The following RREB1 variants were observed in gnomAD, a reference collection of about 807,000 sequenced individuals.
The protein encoded by RREB1 is ras-responsive element-binding protein 1.
In RREB1, 27 loss-of-function variants were observed where a neutral mutation model predicts 117.8. That is an observed-to-expected ratio of 0.23 (90% CI 0.17 to 0.32). The LOEUF (loss-of-function observed/expected upper bound fraction) is 0.32. Ranked by LOEUF, RREB1 falls within the 10% of genes least tolerant of loss-of-function variation. The pLI, the probability that RREB1 is intolerant of heterozygous loss-of-function variation, is 1.00. For missense variants in RREB1, 2,577 were observed against 2,378.2 expected, an observed-to-expected ratio of 1.08 and a Z score of -1.74; for synonymous variants, 1,298 against 1,026.7, an observed-to-expected ratio of 1.26 and a Z score of -5.05.
chr6:7,163,315 C>G (rs145070889), intron 1 of RREB1, among the ~76,000 whole-genome samples: 1 of 152,146 alleles, frequency 6.6e-6, no homozygotes, highest in Non-Finnish European at 1.5e-5. Flanking sequence ...TGAAATACTT[C>G]GTGGAAATGT....
At chr6:7,144,037 G>C (rs1040794489) in intron 1 of RREB1, among the ~76,000 whole-genome samples, 1 of 151,318 alleles carries the variant, frequency 6.6e-6, no homozygotes, top group African/African-American at 2.4e-5. Context: ...TTTATTAAAG[G>C]GGGAATTGTT....
At chr6:7,120,012 G>C (rs1373067682) in intron 1 of RREB1, among the ~76,000 whole-genome samples, 1 of 152,090 alleles carries the variant, frequency 6.6e-6, no homozygotes, top group African/African-American at 2.4e-5. Flanking sequence ...TGATGCCTCT[G>C]ACAGTGAAAC....
rs541656866 is a variant in RREB1, at chr6:7,187,528, A to C, written c.261+5A>C. On this transcript the variant is annotated splice_donor_5th_base_variant and intron_variant, in intron 5 of 12. Coordinates refer to ENST00000379938, the MANE Select transcript of RREB1 (RefSeq NM_001003699.4). The stretch of plus-strand genomic sequence containing the variant: ...CTGACCATGCACATTCGCCAGGTAG[A>C]TTCCCACTGTTCTTTTATTTTATTT... The C allele has an allele frequency of 7.3e-7, 1 of 1,367,058 alleles. No homozygotes were observed. The highest frequency in any genetic ancestry group is 1.5e-5 in the African/African-American group (1 of 68,562). 84.7% of individuals were successfully genotyped at this position (1,367,058 alleles called of 1,614,324 possible). A position where few individuals can be genotyped will look rare whatever the true frequency, so the allele number is the denominator to read the frequency against.
At chr6:7,137,931 G>A (rs1355921478) in intron 1 of RREB1, among the ~76,000 whole-genome samples, 1 of 152,040 alleles carries the variant, frequency 6.6e-6, no homozygotes, top group Non-Finnish European at 1.5e-5. Flanking sequence ...TCTTTTTCAA[G>A]GGTACCCAGT....
intron 6 of RREB1, among the ~76,000 whole-genome samples, chr6:7,193,651 A>G (rs1338634617): frequency 6.6e-6 from 1 of 152,176 alleles, no homozygotes; most frequent in African/African-American, 2.4e-5. Context: ...ATAATGAGGT[A>G]TCTTGAGGAT....
intron 12 of RREB1, 76 bp downstream of exon 12, chr6:7,247,297 G>A: frequency 7.3e-7 from 1 of 1,377,216 alleles, no homozygotes; most frequent in Non-Finnish European, 9.8e-7. Context: ...CTCCCCTGAA[G>A]CGGCGCTGGA....
chr6:7,194,088 G>A (rs1765550318), intron 6 of RREB1, among the ~76,000 whole-genome samples: 1 of 152,168 alleles, frequency 6.6e-6, no homozygotes, highest in Admixed American at 6.5e-5. Context: ...GGATAGTTTT[G>A]GGGGCAGCCA....
intron 4 of RREB1, chr6:7,183,112 G>A (rs1183335388): frequency 1.3e-5 from 2 of 152,158 alleles, no homozygotes; most frequent in Non-Finnish European, 2.9e-5. Context: ...CCAGCAGTAT[G>A]GGGGAGGATG....
chr6:7,194,001 T>C (rs1765544181), intron 6 of RREB1, among the ~76,000 whole-genome samples: 1 of 152,248 alleles, frequency 6.6e-6, no homozygotes, highest in African/African-American at 2.4e-5. Context: ...CACAATTCTG[T>C]GCTGTTATAG....
At chr6:7,159,571 A>G (rs945697625) in intron 1 of RREB1, among the ~76,000 whole-genome samples, 2 of 152,224 alleles carry the variant, frequency 1.3e-5, no homozygotes, top group Non-Finnish European at 1.5e-5. Flanking sequence ...CCTTGTGTCA[A>G]TAATGTTTTG....
chr6:7,181,881 A>G lies in RREB1; in HGVS notation c.-31A>G, dbSNP rs1174177635. 4.3e-6 allele frequency: 7 copies of G among 1,613,340 alleles called. No individual in the cohort carries two copies. Among genetic ancestry groups the G allele is most frequent in the Non-Finnish European group, 5.9e-6 (7 of 1,179,348 alleles). On this transcript the variant is annotated 5_prime_UTR_variant, in exon 4 of 13. Transcript: ENST00000379938. Reference sequence around the variant, plus strand: ...TTTCCAATTTTCAGTTTTATAGCAGAGGCTTCTTAGAAGCTTAAACCCCTG... The same window carrying G: ...TTTCCAATTTTCAGTTTTATAGCAGGGGCTTCTTAGAAGCTTAAACCCCTG...
At chr6:7,211,508 C>T (rs1581543933) in intron 7 of RREB1, 65 bp from the exon 8 acceptor site, 3 of 1,441,438 alleles carry the variant, frequency 2.1e-6, no homozygotes, top group East Asian at 2.3e-5. Context: ...TTAGCATTGG[C>T]CTCTCTTCCG....
intron 1 of RREB1, among the ~76,000 whole-genome samples, chr6:7,118,243 C>T (rs1206625165): frequency 1.3e-5 from 2 of 152,190 alleles, no homozygotes; most frequent in Non-Finnish European, 2.9e-5. Flanking sequence ...ACCTCAGCCT[C>T]CTGAGTAGCT....
chr6:7,150,247 AG>A (rs1226849130), intron 1 of RREB1, among the ~76,000 whole-genome samples: 4 of 152,216 alleles, frequency 2.6e-5, no homozygotes, highest in Admixed American at 1.3e-4. Flanking sequence ...TGCTGGACCC[AG>A]GTTTTAATAA....
chr6:7,244,576 C>T (rs1481827981), intron 11 of RREB1, among the ~76,000 whole-genome samples: 2 of 152,046 alleles, frequency 1.3e-5, no homozygotes, highest in African/African-American at 2.4e-5. Context: ...TGTGCATATC[C>T]CAGGACTCAT....
chr6:7,169,860 C>T (rs989363726), intron 1 of RREB1, among the ~76,000 whole-genome samples: 6 of 152,156 alleles, frequency 3.9e-5, no homozygotes, highest in Non-Finnish European at 7.3e-5. Flanking sequence ...CTAGCTCTCC[C>T]GTGGATCATG....
intron 1 of RREB1, among the ~76,000 whole-genome samples, chr6:7,126,151 A>AC (rs1761904250): frequency 6.6e-6 from 1 of 151,440 alleles, no homozygotes; most frequent in Non-Finnish European, 1.5e-5. Context: ...ACAGGTGCGC[A>AC]CCACCACACC....
chr6:7,155,786 A>C (rs1370670334), intron 1 of RREB1, among the ~76,000 whole-genome samples: 4 of 152,176 alleles, frequency 2.6e-5, no homozygotes, highest in African/African-American at 2.4e-5. Context: ...ATCCTTTTAA[A>C]TTTTTTAATT....
chr6:7,156,841 G>T (rs574285983), intron 1 of RREB1, among the ~76,000 whole-genome samples: 1 of 152,314 alleles, frequency 6.6e-6, no homozygotes, highest in South Asian at 2.1e-4. Context: ...TACGTACCCT[G>T]AGTAGGAGGA....
Sources: gnomAD v4.1 joint callset for allele counts (sites outside exome capture counted in the v4.1 genomes callset) on GRCh38, gnomAD v4.1.1 for gene constraint, MANE v1.5 for transcripts, NCBI Gene and HGNC (gene_info 2026-07-23, HGNC 2026-07-21) for gene names.